SDK1: variants seen among roughly 807,000 people sequenced by gnomAD.
The protein encoded by SDK1 is sidekick cell adhesion molecule 1.
Under a neutral mutation model 245.5 loss-of-function variants are expected in SDK1, and 157 were observed. The observed-to-expected ratio is 0.64, with a 90% CI of 0.56 to 0.73. The LOEUF is 0.73. SDK1 is among the 30% of genes least tolerant of loss of function. The probability of loss-of-function intolerance (pLI) is 0.00; values close to 1 mark genes in which losing one functional copy is unlikely to be tolerated. For synonymous variants in SDK1, 1,647 were observed against 1,278.5 expected (o/e 1.29, Z -6.15); for missense variants, 3,583 against 3,002.3 (o/e 1.19, Z -4.52).
At chr7:3,800,435 G>A (rs905537344) in intron 4 of SDK1, among the ~76,000 whole-genome samples, 3 of 151,882 alleles carry the variant, frequency 2.0e-5, no homozygotes, top group African/African-American at 7.3e-5. Flanking sequence ...AGGCTGGAGT[G>A]CAATGGCACA....
chr7:3,461,873 T>C (rs1045050923), intron 1 of SDK1, among the ~76,000 whole-genome samples: 1 of 152,168 alleles, frequency 6.6e-6, no homozygotes, highest in Non-Finnish European at 1.5e-5. Context: ...CTAGGGAACA[T>C]GTACTATCAA....
Position 4,130,113 on chromosome 7 carries a change from G to A in SDK1, c.4129+16G>A, listed in dbSNP as rs755224710. ...AAAGACGATGGTAGGTCCAGGGTTC[G>A]CGCCTTCGGGAGCCTTGCTGCCTCC... On this transcript the variant is annotated intron_variant, in intron 27 of 44. Transcript: ENST00000404826. 1.6e-5 allele frequency: 25 copies of A among 1,562,074 alleles called. No individual in the cohort carries two copies. Among genetic ancestry groups the A allele is most frequent in the Middle Eastern group, 1.7e-4 (1 of 5,768 alleles).
At chr7:4,169,533 T>C (rs747415573) in intron 32 of SDK1, among the ~76,000 whole-genome samples, 4 of 152,228 alleles carry the variant, frequency 2.6e-5, no homozygotes, top group Non-Finnish European at 4.4e-5. Context: ...CCTCCAGTTC[T>C]TCCTGGCAGT....
chr7:3,958,411 G>T, intron 7 of SDK1: 1 of 201,576 alleles, frequency 5.0e-6, no homozygotes, highest in Non-Finnish European at 1.0e-5. Flanking sequence ...AGATAGATGA[G>T]TGCTCCCTTA....
intron 5 of SDK1, among the ~76,000 whole-genome samples, chr7:3,940,595 C>G (rs899538089): frequency 6.6e-6 from 1 of 152,074 alleles, no homozygotes; most frequent in African/African-American, 2.4e-5. Flanking sequence ...GTAATCCCAG[C>G]ACTTTGGGAG....
intron 5 of SDK1, among the ~76,000 whole-genome samples, chr7:3,894,142 A>G (rs1395994118): frequency 2.6e-5 from 4 of 152,206 alleles, no homozygotes; most frequent in African/African-American, 7.2e-5. Flanking sequence ...TTGCAGTTGG[A>G]CCAGTTTTAA....
chr7:3,983,054 GA>G (rs924744074), intron 13 of SDK1, among the ~76,000 whole-genome samples: 22 of 152,260 alleles, frequency 1.4e-4, no homozygotes, highest in African/African-American at 5.3e-4. Context: ...GCAATCTCAT[GA>G]TCAAACTTGT....
chr7:3,619,993 C>T (rs1781885253), intron 2 of SDK1, among the ~76,000 whole-genome samples: 1 of 152,178 alleles, frequency 6.6e-6, no homozygotes, highest in South Asian at 2.1e-4. Flanking sequence ...CAGTTCTGTG[C>T]AGGATGGAGA....
At chr7:3,808,498 A>G (rs1241590913) in intron 4 of SDK1, among the ~76,000 whole-genome samples, 4 of 152,224 alleles carry the variant, frequency 2.6e-5, no homozygotes, top group Non-Finnish European at 5.9e-5. Flanking sequence ...TTCCCAGCAC[A>G]GGTGTAAATA....
chr7:3,817,251 C>T (rs911364258), intron 4 of SDK1, among the ~76,000 whole-genome samples: 2 of 152,166 alleles, frequency 1.3e-5, no homozygotes, highest in African/African-American at 2.4e-5. Flanking sequence ...TGGAACTCTT[C>T]CCCTTGGGTC....
Position 4,149,257 on chromosome 7 carries a change from T to C in SDK1, c.4424-5T>C. On this transcript the variant is annotated splice_polypyrimidine_tract_variant and splice_region_variant and intron_variant, in intron 29 of 44. Coordinates refer to ENST00000404826, the MANE Select transcript of SDK1 (RefSeq NM_152744.4). ...TGTCCCTGGTCTGTCCTCATTTGGTTGCAGAGCGGCCGGCACCCCCCAGAG... is the reference window on the plus strand; with the variant it reads ...TGTCCCTGGTCTGTCCTCATTTGGTCGCAGAGCGGCCGGCACCCCCCAGAG... The C allele has an allele frequency of 6.6e-7, 1 of 1,511,614 alleles. No homozygotes were observed. The allele number at this position is 1,511,614 out of a possible 1,614,324, so 93.6% of individuals were successfully genotyped here. A position where few individuals can be genotyped will look rare whatever the true frequency, so the allele number is the denominator to read the frequency against.
chr7:3,563,623 G>A (rs1373301978), intron 1 of SDK1, among the ~76,000 whole-genome samples: 4 of 152,174 alleles, frequency 2.6e-5, no homozygotes, highest in Non-Finnish European at 4.4e-5. Context: ...TTAACACACT[G>A]TTCTCAGAAA....
chr7:3,576,269 C>T (rs1287803126), intron 1 of SDK1, among the ~76,000 whole-genome samples: 1 of 152,128 alleles, frequency 6.6e-6, no homozygotes, highest in Non-Finnish European at 1.5e-5. Flanking sequence ...CTTGGCGTCA[C>T]CGTTGTTTAC....
intron 5 of SDK1, among the ~76,000 whole-genome samples, chr7:3,879,600 C>T (rs896855376): frequency 2.6e-5 from 4 of 152,228 alleles, no homozygotes; most frequent in Non-Finnish European, 5.9e-5. Flanking sequence ...GGTACTCAGC[C>T]TCACTCAGCC....
intron 28 of SDK1, among the ~76,000 whole-genome samples, chr7:4,138,534 G>A (rs1474964293): frequency 1.3e-5 from 2 of 152,028 alleles, no homozygotes; most frequent in East Asian, 1.9e-4. Flanking sequence ...TCCACGTGAG[G>A]TCAGGAGTTC....
chr7:3,566,233 T>C (rs1486996710), intron 1 of SDK1, among the ~76,000 whole-genome samples: 2 of 149,478 alleles, frequency 1.3e-5, no homozygotes, highest in Non-Finnish European at 3.0e-5. Flanking sequence ...TCTTTTTTTT[T>C]TTTTTTTTTG....
chr7:3,548,761 C>G (rs900458405), intron 1 of SDK1, among the ~76,000 whole-genome samples: 1 of 152,186 alleles, frequency 6.6e-6, no homozygotes, highest in Non-Finnish European at 1.5e-5. Context: ...GGATTGTACT[C>G]CCATCTTCCT....
chr7:3,639,795 T>C (rs1325159197), intron 3 of SDK1, among the ~76,000 whole-genome samples: 2 of 151,904 alleles, frequency 1.3e-5, no homozygotes, highest in African/African-American at 4.8e-5. Context: ...TACATATGTG[T>C]ATATATAATA....
At chr7:3,452,197 G>T (rs1203833401) in intron 1 of SDK1, among the ~76,000 whole-genome samples, 13 of 152,134 alleles carry the variant, frequency 8.5e-5, no homozygotes. Flanking sequence ...CTTTAGGACA[G>T]GTAGAATTTT....
Sources: gnomAD v4.1 joint callset for allele counts (sites outside exome capture counted in the v4.1 genomes callset) on GRCh38, gnomAD v4.1.1 for gene constraint, MANE v1.5 for transcripts, NCBI Gene and HGNC (gene_info 2026-07-23, HGNC 2026-07-21) for gene names.